Variants in ARK2C observed in about 807,000 individuals in gnomAD.
ARK2C encodes arkadia (RNF111) C-terminal like ring finger ubiquitin ligase 2C, also known as E3 ubiquitin-protein ligase ARK2C.
chr18:46,357,649 G>T, the ARK2C span, among the ~76,000 whole-genome samples: 3 of 152,162 alleles, frequency 2.0e-5, no homozygotes, highest in African/African-American at 7.2e-5. Flanking sequence ...TCGAGGCCTG[G>T]GGCACAGAGG....
the ARK2C span, among the ~76,000 whole-genome samples, chr18:46,411,950 G>A: frequency 2.6e-5 from 4 of 152,346 alleles, no homozygotes; most frequent in East Asian, 3.9e-4. Flanking sequence ...GAGTGGGGTC[G>A]ATGATGCCAG....
the ARK2C span, among the ~76,000 whole-genome samples, chr18:46,422,956 C>T: frequency 6.6e-6 from 1 of 152,212 alleles, no homozygotes; most frequent in Non-Finnish European, 1.5e-5. Context: ...TTTCCTCTTC[C>T]CTGCTCATGC....
the ARK2C span, chr18:46,455,996 G>A: frequency 1.1e-5 from 17 of 1,612,834 alleles, no homozygotes; most frequent in East Asian, 3.3e-4. Context: ...GATGGCAAGG[G>A]CAAGAAGGAT....
chr18:46,442,824 T>C, the ARK2C span, among the ~76,000 whole-genome samples: 813 of 152,324 alleles, frequency 5.3e-3, 3 homozygotes, highest in Non-Finnish European at 9.5e-3. Flanking sequence ...TTTTGACTTA[T>C]ATATATTAGG....
At chr18:46,373,990 C>A in the ARK2C span, among the ~76,000 whole-genome samples, 1 of 152,126 alleles carries the variant, frequency 6.6e-6, no homozygotes, top group Admixed American at 6.5e-5. Context: ...CCATGGTAAA[C>A]CCAGGCCCCT....
the ARK2C span, among the ~76,000 whole-genome samples, chr18:46,362,449 C>T: frequency 1.3e-5 from 2 of 152,046 alleles, no homozygotes; most frequent in African/African-American, 4.8e-5. Flanking sequence ...TGTGCGCGCC[C>T]CAAGGGGTTT....
the ARK2C span, among the ~76,000 whole-genome samples, chr18:46,352,169 T>TC: frequency 3.9e-5 from 6 of 152,050 alleles, no homozygotes; most frequent in African/African-American, 1.4e-4. Context: ...CCCTCCAGGC[T>TC]CCCCTCCTCC....
the ARK2C span, among the ~76,000 whole-genome samples, chr18:46,369,869 G>A: frequency 6.6e-6 from 1 of 152,160 alleles, no homozygotes; most frequent in South Asian, 2.1e-4. Flanking sequence ...TAGAGCCCGG[G>A]GCCCGTTGGG....
At chr18:46,435,515 A>G in the ARK2C span, 1 of 791,110 alleles carries the variant, frequency 1.3e-6, no homozygotes, top group Non-Finnish European at 2.1e-6. Context: ...CCTAGTTCTC[A>G]GGCCCCAGCG....
At chr18:46,376,782 T>A in the ARK2C span, among the ~76,000 whole-genome samples, 26 of 151,080 alleles carry the variant, frequency 1.7e-4, no homozygotes, top group African/African-American at 6.4e-4. Flanking sequence ...GCGATTCTCT[T>A]GCCTCAGCCT....
the ARK2C span, among the ~76,000 whole-genome samples, chr18:46,372,935 C>T: frequency 6.6e-6 from 1 of 152,230 alleles, no homozygotes; most frequent in East Asian, 1.9e-4. Context: ...TTTCCCACAG[C>T]CTCCTAATGC....
chr18:46,433,565 C>A, the ARK2C span: 2 of 1,437,964 alleles, frequency 1.4e-6, no homozygotes, highest in East Asian at 2.4e-5. Context: ...GGGGCAGGGC[C>A]AGGGCGTGGG....
At chr18:46,398,041 G>A in the ARK2C span, among the ~76,000 whole-genome samples, 27 of 147,992 alleles carry the variant, frequency 1.8e-4, no homozygotes, top group Non-Finnish European at 2.5e-4. Context: ...AGGTGTGAGG[G>A]TGTGTGTACC....
At chr18:46,388,590 C>T in the ARK2C span, among the ~76,000 whole-genome samples, 2 of 152,070 alleles carry the variant, frequency 1.3e-5, no homozygotes, top group Non-Finnish European at 2.9e-5. Context: ...ACCAAGCTGC[C>T]CTCAATTGGG....
the ARK2C span, chr18:46,334,199 C>T: frequency 1.7e-5 from 16 of 936,158 alleles, no homozygotes; most frequent in African/African-American, 2.2e-4. This position sits in a 1 kb window ranked among gnomAD's most constrained non-coding sequence, Gnocchi z 4.4. Flanking sequence ...CGCCGCCGCC[C>T]GCGCCCGCGC....
the ARK2C span, among the ~76,000 whole-genome samples, chr18:46,383,562 T>TTTG: frequency 1.2e-4 from 17 of 146,332 alleles, no homozygotes; most frequent in African/African-American, 4.3e-4. Flanking sequence ...TTTTTTTTTT[T>TTTG]TTTTTTTTTT....
chr18:46,346,350 A>C, the ARK2C span, among the ~76,000 whole-genome samples: 3 of 152,368 alleles, frequency 2.0e-5, no homozygotes, highest in South Asian at 2.1e-4. Flanking sequence ...CAGTGGCATT[A>C]CGTACATTCA....
the ARK2C span, among the ~76,000 whole-genome samples, chr18:46,359,417 G>T: frequency 5.3e-5 from 8 of 152,172 alleles, no homozygotes; most frequent in African/African-American, 1.9e-4. Flanking sequence ...CACATGGAGG[G>T]GACCTGACCA....
chr18:46,413,327 C>T, the ARK2C span, among the ~76,000 whole-genome samples: 1 of 152,072 alleles, frequency 6.6e-6, no homozygotes, highest in Non-Finnish European at 1.5e-5. Context: ...TGGGAAGATG[C>T]TCCCATCCCC....
Sources: gnomAD v4.1 joint callset for allele counts (sites outside exome capture counted in the v4.1 genomes callset) on GRCh38, gnomAD v4.1.1 for gene constraint, Gnocchi (gnomAD v3.1) non-coding constraint, MANE v1.5 for transcripts, NCBI Gene and HGNC (gene_info 2026-07-23, HGNC 2026-07-21) for gene names.